The following BMS1 variants were observed in gnomAD, a reference collection of about 807,000 sequenced individuals.
The protein encoded by BMS1 is ribosome biogenesis protein BMS1 homolog.
A neutral mutation model predicts 138.7 loss-of-function variants in BMS1; 53 were observed. That is an observed-to-expected ratio of 0.38 (90% CI 0.31 to 0.48). BMS1 has a LOEUF of 0.48. Among genes scored for constraint, BMS1 ranks in the 20% least tolerant of loss-of-function variants. BMS1 has a pLI of 0.97. For synonymous variants in BMS1, 504 were observed against 539.9 expected (o/e 0.93, Z 0.92); for missense variants, 1,360 against 1,565.5 (o/e 0.87, Z 2.22).
rs374194864 is a variant in BMS1 at position 42,830,321 on chromosome 10, G to A, written c.3517G>A (p.Ala1173Thr). Residue 1173 changes from alanine (A) to threonine (T), a missense_variant, in exon 22 of 23, where the codon GCC becomes ACC. Ala to Thr is a moderately conservative substitution (Grantham distance 58, BLOSUM62 0). This residue lies in a region of BMS1 where 425 missense variants were observed against 568.3 expected (regional missense o/e 0.75). Transcript: ENST00000374518. ...GCACATTCCAAAAGCCTTGCAGAAG[G>A]CCCTGCCATTTAAGAACAAGCCCAA... The part of the protein sequence containing the change: ...SLHIPKALQK[A>T]LPFKNKPKTQ... 11 of 1,613,954 alleles carry A rather than the reference G, an allele frequency of 6.8e-6. No homozygotes were observed. Among genetic ancestry groups the A allele is most frequent in the South Asian group, 1.1e-5 (1 of 91,046 alleles).
At chr10:42,799,512 A>G (rs549745351) in intron 12 of BMS1, among the ~76,000 whole-genome samples, 9 of 152,338 alleles carry the variant, frequency 5.9e-5, no homozygotes, top group African/African-American at 1.9e-4. Flanking sequence ...CCCAATTGCT[A>G]TCATACTGTC....
intron 9 of BMS1, 26 bp from the exon 10 acceptor site, chr10:42,796,448 T>C (rs780190625): frequency 1.3e-6 from 2 of 1,581,496 alleles, no homozygotes; most frequent in Non-Finnish European, 1.7e-6. Flanking sequence ...CAAATTGAAT[T>C]ATTTTGTATT....
In BMS1 at chr10:42,814,882, G is replaced by A. The variant is rs561246176; in HGVS notation, c.2330-1717G>A. On this transcript the variant is annotated intron_variant, in intron 13 of 22. Transcript: ENST00000374518. ...ATGGGGAAGATTTCCTTTGATCTGG[G>A]GGGACTGAGTCTGCCTGGGTTGCCT... Among the ~76,000 whole-genome samples the A allele has an allele frequency of 2.6e-5, 4 of 152,188 alleles. No homozygotes were observed. In the South Asian group the frequency reaches 8.3e-4, roughly 32 times the overall value.
chr10:42,820,458 G>A lies in BMS1; in HGVS notation c.2769+34G>A, dbSNP rs559544985. The A allele has an allele frequency of 1.5e-4, 242 of 1,611,852 alleles. No individual in the cohort carries two copies. The South Asian group carries it at 2.5e-3, about 16-fold the overall frequency. ...CTTTGCTACATATTTGGTGCCTGAG[G>A]CTCTGTGGATTTCCCCTCCATCAAT... On this transcript the variant is annotated intron_variant, in intron 16 of 22. Transcript: ENST00000374518.
intron 15 of BMS1, 53 bp from the exon 16 acceptor site, chr10:42,820,183 A>T (rs973562265): frequency 6.3e-7 from 1 of 1,586,360 alleles, no homozygotes; most frequent in African/African-American, 1.3e-5. Flanking sequence ...TGTTAATCTT[A>T]TGTTTATTAC....
intron 13 of BMS1, among the ~76,000 whole-genome samples, chr10:42,806,155 C>T (rs1399577184): frequency 6.6e-6 from 1 of 152,184 alleles, no homozygotes; most frequent in African/African-American, 2.4e-5. Context: ...TCCTGTTCTG[C>T]ACAATAAAGC....
intron 12 of BMS1, 114 bp from the exon 13 acceptor site, chr10:42,802,023 T>A (rs1028554239): frequency 1.4e-6 from 1 of 703,202 alleles, no homozygotes; most frequent in African/African-American, 1.8e-5. Flanking sequence ...GGAATGAGAA[T>A]ATCCATGAAA....
intron 13 of BMS1, among the ~76,000 whole-genome samples, chr10:42,803,401 A>T (rs1239054257): frequency 6.6e-6 from 1 of 152,102 alleles, no homozygotes; most frequent in Non-Finnish European, 1.5e-5. Flanking sequence ...AGCCTTCCAA[A>T]GTGCTGGGAT....
At chr10:42,792,330 T>A (rs1194288097) in intron 6 of BMS1, among the ~76,000 whole-genome samples, 163 bp from the exon 7 acceptor site, 1 of 152,204 alleles carries the variant, frequency 6.6e-6, no homozygotes, top group Non-Finnish European at 1.5e-5. Flanking sequence ...TGTCTGCCCC[T>A]TTTCCTCTGG....
At chr10:42,817,248 T>A (rs1842374676) in intron 14 of BMS1, 70 bp from the exon 15 acceptor site, 1 of 1,231,976 alleles carries the variant, frequency 8.1e-7, no homozygotes, top group Non-Finnish European at 1.1e-6. Context: ...AATAGAACTT[T>A]AAAAAAGCTA....
At chr10:42,811,735 G>A (rs1018743694) in intron 13 of BMS1, among the ~76,000 whole-genome samples, 8 of 150,636 alleles carry the variant, frequency 5.3e-5, no homozygotes, top group South Asian at 4.2e-4. Flanking sequence ...CGTTTTAGCC[G>A]GGATGGTCTC....
Position 42,830,990 on chromosome 10 carries a change from T to C in BMS1, c.3743T>C (p.Leu1248Pro). 1 of 1,606,012 alleles carries C rather than the reference T, an allele frequency of 6.2e-7. No individual in the cohort carries two copies. Among genetic ancestry groups the C allele is most frequent in the Non-Finnish European group, 8.5e-7 (1 of 1,175,916 alleles). The change falls in exon 23 of 23, where the codon CTG (leucine) becomes CCG (proline). Residue 1248 changes from leucine to proline, a missense_variant. By Grantham distance (98) the Leu-to-Pro change is moderately conservative. Coordinates refer to ENST00000374518, the MANE Select transcript of BMS1 (RefSeq NM_014753.4). ...RAKQKEEEEKLKRQKDLRKKL... is the reference protein window; with the variant it reads ...RAKQKEEEEKPKRQKDLRKKL... ...AAGCAGAAGGAGGAGGAGGAGAAGC[T>C]GAAGCGGCAGAAGGACCTCAGGAAG...
At chr10:42,807,588 A>G (rs368207934) in intron 13 of BMS1, among the ~76,000 whole-genome samples, 5 of 152,118 alleles carry the variant, frequency 3.3e-5, no homozygotes, top group African/African-American at 1.2e-4. Flanking sequence ...TTCCCACATC[A>G]GCACCCCCAA....
At chr10:42,829,081 C>A (rs941866356) in intron 21 of BMS1, among the ~76,000 whole-genome samples, 2 of 152,110 alleles carry the variant, frequency 1.3e-5, no homozygotes, top group African/African-American at 4.8e-5. Flanking sequence ...AAGCCTAGGG[C>A]AAAACTTTCA....
chr10:42,824,427 A>G (rs1248649229), intron 21 of BMS1, among the ~76,000 whole-genome samples: 5 of 152,318 alleles, frequency 3.3e-5, no homozygotes, highest in South Asian at 2.1e-4. Context: ...CTCCCAGTCT[A>G]TAGGTTCCCT....
chr10:42,796,331 A>G, intron 9 of BMS1, 143 bp from the exon 10 acceptor site: 1 of 1,031,828 alleles, frequency 9.7e-7, no homozygotes. Context: ...TGTTTATCAA[A>G]TCATATTTTC....
chr10:42,817,515 T>C, intron 15 of BMS1, 21 bp downstream of exon 15: 2 of 1,586,860 alleles, frequency 1.3e-6, no homozygotes, highest in Non-Finnish European at 1.7e-6. Context: ...TCAGTTCCTC[T>C]CAGCCCCTTG....
chr10:42,816,202 G>A (rs1842342940), intron 13 of BMS1, among the ~76,000 whole-genome samples: 1 of 152,114 alleles, frequency 6.6e-6, no homozygotes, highest in African/African-American at 2.4e-5. Flanking sequence ...GGGAGACTGA[G>A]GCAGTAGAAT....
At chr10:42,803,052 C>T (rs1165142920) in intron 13 of BMS1, among the ~76,000 whole-genome samples, 2 of 152,132 alleles carry the variant, frequency 1.3e-5, no homozygotes, top group Admixed American at 6.5e-5. Flanking sequence ...GACAGGATGT[C>T]GCTCTGTTAC....
Sources: allele counts gnomAD v4.1 joint callset (sites outside exome capture counted in the v4.1 genomes callset), GRCh38; gene constraint gnomAD v4.1.1; regional missense constraint gnomAD v4.1.1; transcripts MANE v1.5; gene names NCBI Gene and HGNC (gene_info 2026-07-23, HGNC 2026-07-21).